Variants in PLCB4 observed in about 807,000 individuals in gnomAD.
PLCB4 encodes the protein phospholipase C beta 4, also known as 1-phosphatidylinositol 4,5-bisphosphate phosphodiesterase beta-4.
Under a neutral mutation model 178.8 loss-of-function variants are expected in PLCB4, and 77 were observed. The ratio of observed to expected loss-of-function variants is 0.43; its 90% confidence interval spans 0.36 to 0.52. The LOEUF (loss-of-function observed/expected upper bound fraction) is 0.52, where lower values mean the gene tolerates loss of function less well. Ranked by LOEUF, PLCB4 falls within the 20% of genes least tolerant of loss-of-function variation. The pLI, the probability that PLCB4 is intolerant of heterozygous loss-of-function variation, is 0.00. For synonymous variants in PLCB4, 496 were observed against 490.8 expected, an observed-to-expected ratio of 1.01 and a Z score of -0.14; for missense variants, 1,024 against 1,453.4, an observed-to-expected ratio of 0.70 and a Z score of 4.80.
At chr20:9,108,086 A>G (rs1233212737) in intron 2 of PLCB4, among the ~76,000 whole-genome samples, 1 of 152,162 alleles carries the variant, frequency 6.6e-6, no homozygotes, top group African/African-American at 2.4e-5. Context: ...CTGCATTATG[A>G]GAGGTTTGAA....
Position 9,286,177 on chromosome 20 carries a change from G to A in PLCB4, c.-15-21623G>A, listed in dbSNP as rs140705056. ...GGTGGGTATTTGAAATTAGCCTGGAGTTTAGGAGTTTTAGGGGTTTTTCCA... is the reference window on the plus strand; with the variant it reads ...GGTGGGTATTTGAAATTAGCCTGGAATTTAGGAGTTTTAGGGGTTTTTCCA... On this transcript the variant is annotated intron_variant, in intron 3 of 39. Coordinates refer to ENST00000378473, the MANE Select transcript of PLCB4 (RefSeq NM_001377142.1). Among the ~76,000 whole-genome samples the A allele has an allele frequency of 1.3e-3, 203 of 152,062 alleles. 2 individuals are homozygous for A. Among genetic ancestry groups the A allele is most frequent in the Non-Finnish European group, 1.4e-3 (95 of 67,930 alleles).
At chr20:9,411,181 G>A in intron 25 of PLCB4, 93 bp downstream of exon 25, 1 of 833,190 alleles carries the variant, frequency 1.2e-6, no homozygotes, top group Non-Finnish European at 2.0e-6. Context: ...AGGGGCTACA[G>A]AATTTAAGCT....
At chr20:9,227,177 C>CTT (rs373496749) in intron 3 of PLCB4, among the ~76,000 whole-genome samples, 12,089 of 144,866 alleles carry the variant, frequency 0.083, 1,126 homozygotes, top group African/African-American at 0.23. Flanking sequence ...CATTGTAAGA[C>CTT]TTTTTTTTTT....
intron 17 of PLCB4, 21 bp downstream of exon 17, chr20:9,390,636 A>T (rs78585493): frequency 8.2e-7 from 1 of 1,214,354 alleles, no homozygotes; most frequent in East Asian, 2.3e-5. Flanking sequence ...TTAACAAACC[A>T]TATTTCTAGC....
intron 4 of PLCB4, among the ~76,000 whole-genome samples, chr20:9,309,281 T>A (rs2094804638): frequency 6.6e-6 from 1 of 152,192 alleles, no homozygotes; most frequent in African/African-American, 2.4e-5. Flanking sequence ...CTACATGGTT[T>A]GTTTATGCTA....
At chr20:9,131,963 C>T (rs1240566062) in intron 2 of PLCB4, among the ~76,000 whole-genome samples, 1 of 152,070 alleles carries the variant, frequency 6.6e-6, no homozygotes, top group African/African-American at 2.4e-5. Context: ...GATGAGAGGC[C>T]GTCTCGCATG....
At chr20:9,138,855 G>A (rs2092434044) in intron 2 of PLCB4, among the ~76,000 whole-genome samples, 1 of 152,074 alleles carries the variant, frequency 6.6e-6, no homozygotes, top group South Asian at 2.1e-4. Flanking sequence ...AGTTATAGAT[G>A]CAATGAATTT....
At chr20:9,431,650 TTG>T (rs3037096) in intron 28 of PLCB4, among the ~76,000 whole-genome samples, 36,768 of 143,848 alleles carry the variant, frequency 0.26, 4,590 homozygotes, top group Middle Eastern at 0.34. Context: ...GTGTGTGTGT[TTG>T]TGTGTGTGTG....
rs1304615653 is a variant in PLCB4 at position 9,457,432 on chromosome 20, A to G, written c.3015A>G (p.Glu1005=). Residue 1005 remains glutamate, a synonymous_variant, in exon 34 of 40, where the codon GAA becomes GAG. Coordinates refer to ENST00000378473, the MANE Select transcript of PLCB4 (RefSeq NM_001377142.1). ...TTTTCAGGGGAAGTAATTGTCTCGAAATGAAAAAAGAAACAGAAATCAAAA... is the reference window on the plus strand; with the variant it reads ...TTTTCAGGGGAAGTAATTGTCTCGAGATGAAAAAAGAAACAGAAATCAAAA... The part of the protein sequence containing the change: ...MKKKGGSNCL[E]MKKETEIKIQ... The G allele has an allele frequency of 2.1e-5, 32 of 1,545,592 alleles. No individual in the cohort carries two copies. The highest frequency in any genetic ancestry group is 2.8e-5 in the Non-Finnish European group (31 of 1,117,768).
chr20:9,402,583 G>A lies in PLCB4; in HGVS notation c.1611+993G>A, dbSNP rs1357563430. ...GGTTGCCATATGGAGACTAGTTTAG[G>A]AGGAAACAGGAGTGGAAGCAGGAAA... On this transcript the variant is annotated intron_variant, in intron 20 of 39. Transcript: ENST00000378473. 2.6e-5 allele frequency among the ~76,000 whole-genome samples: 4 copies of A among 152,324 alleles called. No individual in the cohort carries two copies. The East Asian group carries it at 5.8e-4, about 22-fold the overall frequency.
rs544622996 is a variant in PLCB4 at position 9,321,125 on chromosome 20, C to T, written c.84+13227C>T. On this transcript the variant is annotated intron_variant, in intron 4 of 39. Transcript: ENST00000378473. ...GGCTGAACATATTAGATTTATTGAA[C>T]CCTTGACACAGTGCAAAGTACTTGA... Among the ~76,000 whole-genome samples, 4 of 152,248 alleles carry T rather than the reference C, an allele frequency of 2.6e-5. No homozygotes were observed. In the East Asian group the frequency reaches 7.7e-4, roughly 29 times the overall value.
At chr20:9,085,512 A>G (rs769740931) in intron 1 of PLCB4, among the ~76,000 whole-genome samples, 1 of 152,156 alleles carries the variant, frequency 6.6e-6, no homozygotes, top group Non-Finnish European at 1.5e-5. Context: ...GGTTTTGTAT[A>G]TCTTATTTTG....
chr20:9,468,661 A>T lies in PLCB4; in HGVS notation c.3339A>T (p.Ala1113=), dbSNP rs1446183773. The T allele has an allele frequency of 3.8e-6, 6 of 1,591,246 alleles. No homozygotes were observed. The Admixed American group carries it at 1.0e-4, about 27-fold the overall frequency. The stretch of plus-strand genomic sequence containing the variant: ...AAGATAAATCTATCAAGAATAAAGC[A>T]GAACGGGAAAGGTAAGTCTGAGAGT... ...ISQDKSIKNK[A]ERERRVRELN... is the part of the protein sequence containing the mutation. The change falls in exon 36 of 40, where the codon GCA becomes GCT. Residue 1113 remains alanine (A), a synonymous_variant. Transcript: ENST00000378473.
chr20:9,424,795 G>A (rs1279518541), intron 28 of PLCB4, among the ~76,000 whole-genome samples: 2 of 152,180 alleles, frequency 1.3e-5, no homozygotes, highest in Non-Finnish European at 2.9e-5. Flanking sequence ...AGCGCATGGG[G>A]GTGGGCGGGG....
chr20:9,390,546 C>G lies in PLCB4; in HGVS notation c.1254C>G (p.Tyr418Ter). ...TTCTCTCCAGCAAATATCAACAGTA[C>G]AAGATGTCCAAATATTGCGAAGATC... is the stretch of plus-strand genomic sequence containing the variant. ...FENHCSKYQQ[Y>*]KMSKYCEDLF... Residue 418 changes from tyrosine to a stop codon, truncating the protein, a stop_gained, in exon 17 of 40, where the codon TAC (tyrosine) becomes TAG (stop). Coordinates refer to ENST00000378473, the MANE Select transcript of PLCB4 (RefSeq NM_001377142.1). LOFTEE classifies it high-confidence loss of function. The G allele has an allele frequency of 6.4e-7, 1 of 1,574,736 alleles. No individual in the cohort carries two copies. The highest frequency in any genetic ancestry group is 8.7e-7 in the Non-Finnish European group (1 of 1,144,302).
chr20:9,332,490 G>A (rs2031825726), intron 4 of PLCB4, among the ~76,000 whole-genome samples: 1 of 152,144 alleles, frequency 6.6e-6, no homozygotes, highest in Admixed American at 6.6e-5. Context: ...AATTTTCATG[G>A]GTGGTTTGAA....
At chr20:9,277,852 T>C (rs529077313) in intron 3 of PLCB4, among the ~76,000 whole-genome samples, 20 of 152,086 alleles carry the variant, frequency 1.3e-4, no homozygotes, top group African/African-American at 4.8e-4. Context: ...TTTGAAACAA[T>C]AAAATGAAAC....
At chr20:9,283,023 A>T (rs1209298313) in intron 3 of PLCB4, among the ~76,000 whole-genome samples, 1 of 152,038 alleles carries the variant, frequency 6.6e-6, no homozygotes, top group Non-Finnish European at 1.5e-5. Flanking sequence ...TGTGGAACGA[A>T]AGTCTTCATA....
chr20:9,374,826 A>G (rs1215858088), intron 12 of PLCB4, among the ~76,000 whole-genome samples: 5 of 152,152 alleles, frequency 3.3e-5, no homozygotes, highest in African/African-American at 4.8e-5. Flanking sequence ...TAAAAATATC[A>G]TCATCCATAC....
Sources: allele counts gnomAD v4.1 joint callset (sites outside exome capture counted in the v4.1 genomes callset), GRCh38; gene constraint gnomAD v4.1.1; transcripts MANE v1.5; gene names NCBI Gene and HGNC (gene_info 2026-07-23, HGNC 2026-07-21).